The following AK5 variants were observed in gnomAD, a reference collection of about 807,000 sequenced individuals.
The protein encoded by AK5 is adenylate kinase isoenzyme 5.
A neutral mutation model predicts 69.5 loss-of-function variants in AK5; 27 were observed. That is an observed-to-expected ratio of 0.39 (90% CI 0.29 to 0.54). AK5 has a LOEUF of 0.54. Ranked by LOEUF, AK5 falls within the 20% of genes least tolerant of loss-of-function variation. AK5 has a pLI of 0.71. For missense variants in AK5, 531 were observed against 700.4 expected, an observed-to-expected ratio of 0.76 and a Z score of 2.73; for synonymous variants, 260 against 244.4, an observed-to-expected ratio of 1.06 and a Z score of -0.60.
intron 6 of AK5, among the ~76,000 whole-genome samples, chr1:77,406,204 G>A (rs1222555186): frequency 7.9e-6 from 1 of 127,244 alleles, no homozygotes; most frequent in Admixed American, 8.5e-5. Context: ...CCTTGTATCT[G>A]CCCTAAACTA....
chr1:77,398,122 A>G (rs1648953084), intron 6 of AK5, among the ~76,000 whole-genome samples: 1 of 150,604 alleles, frequency 6.6e-6, no homozygotes, highest in South Asian at 2.2e-4. Flanking sequence ...TCAAAATTGC[A>G]GGAGATAAAT....
At chr1:77,539,676 G>A (rs1356597835) in intron 13 of AK5, among the ~76,000 whole-genome samples, 1 of 152,204 alleles carries the variant, frequency 6.6e-6, no homozygotes, top group African/African-American at 2.4e-5. Flanking sequence ...CCGCTGGAGA[G>A]GGAGAAAGCC....
At chr1:77,360,839 T>C (rs1646850195) in intron 6 of AK5, among the ~76,000 whole-genome samples, 1 of 152,200 alleles carries the variant, frequency 6.6e-6, no homozygotes, top group Admixed American at 6.5e-5. Flanking sequence ...GTGTTATTCT[T>C]ATGGGCCAGG....
intron 2 of AK5, among the ~76,000 whole-genome samples, chr1:77,291,381 G>C (rs1458147294): frequency 1.3e-5 from 2 of 151,930 alleles, no homozygotes; most frequent in Non-Finnish European, 2.9e-5. Flanking sequence ...TACTTTAACA[G>C]CCTAGCTGCT....
chr1:77,282,747 G>C (rs1009739507), intron 1 of AK5: 50 of 1,024,334 alleles, frequency 4.9e-5, no homozygotes, highest in Non-Finnish European at 5.1e-5. Context: ...CCAGCAGCGA[G>C]TAAAGACTCG....
rs368412696 is a variant in AK5, at chr1:77,379,435, T to C, written c.892-31546T>C. On this transcript the variant is annotated intron_variant, in intron 6 of 13. Transcript: ENST00000354567. ...CTTTGGACTTAGGAGTCCCATAGAT[T>C]AGCGTCAGAGATTTGGCCTAGGACT... is the stretch of plus-strand genomic sequence containing the variant. Among the ~76,000 whole-genome samples the C allele has an allele frequency of 1.4e-4, 21 of 152,314 alleles. No individual in the cohort carries two copies. The East Asian group carries it at 3.7e-3, about 27-fold the overall frequency.
intron 6 of AK5, among the ~76,000 whole-genome samples, chr1:77,406,298 C>T (rs1047386554): frequency 2.2e-5 from 3 of 139,238 alleles, no homozygotes; most frequent in African/African-American, 8.5e-5. Context: ...GTGATTGCTT[C>T]AGAGCCTGGA....
intron 13 of AK5, among the ~76,000 whole-genome samples, chr1:77,557,643 TC>T (rs903076668): frequency 6.6e-6 from 1 of 152,008 alleles, no homozygotes; most frequent in Non-Finnish European, 1.5e-5. Flanking sequence ...TTTGCTTTCT[TC>T]TCCACATCTC....
intron 1 of AK5, among the ~76,000 whole-genome samples, chr1:77,286,218 T>TAA (rs1557462195): frequency 6.6e-6 from 1 of 151,414 alleles, no homozygotes; most frequent in African/African-American, 2.4e-5. Flanking sequence ...CTATGAGGTA[T>TAA]TTATTATTAC....
chr1:77,485,346 GT>G (rs1457844261), intron 9 of AK5, among the ~76,000 whole-genome samples: 1 of 152,014 alleles, frequency 6.6e-6, no homozygotes, highest in Non-Finnish European at 1.5e-5. Flanking sequence ...TCTTTCTCTG[GT>G]AGAGTTGGGG....
intron 13 of AK5, among the ~76,000 whole-genome samples, chr1:77,558,378 G>A (rs529301307): frequency 3.0e-4 from 45 of 151,410 alleles, no homozygotes; most frequent in African/African-American, 1.0e-3. Context: ...TCAGTGCTTT[G>A]GATTTTGGCT....
At chr1:77,295,708 A>G (rs959341853) in intron 3 of AK5, among the ~76,000 whole-genome samples, 3 of 152,172 alleles carry the variant, frequency 2.0e-5, no homozygotes, top group Non-Finnish European at 4.4e-5. Flanking sequence ...GTAATAAAGT[A>G]TTGGTCATTA....
At chr1:77,385,182 CAG>C (rs547847898) in intron 6 of AK5, among the ~76,000 whole-genome samples, 83 of 152,124 alleles carry the variant, frequency 5.5e-4, no homozygotes, top group African/African-American at 1.7e-3. Context: ...GTTTTGGAGA[CAG>C]AGTCTCGCTC....
chr1:77,352,506 T>C (rs941089266), intron 6 of AK5, among the ~76,000 whole-genome samples: 3 of 152,192 alleles, frequency 2.0e-5, no homozygotes, highest in Non-Finnish European at 2.9e-5. Context: ...CCAGAACTTA[T>C]GTCCAAGTAG....
chr1:77,325,046 C>T (rs892840409), intron 5 of AK5, among the ~76,000 whole-genome samples: 17 of 150,114 alleles, frequency 1.1e-4, no homozygotes, highest in Non-Finnish European at 2.4e-4. Context: ...AATCTCGGCT[C>T]ACTACACTGC....
intron 8 of AK5, among the ~76,000 whole-genome samples, chr1:77,429,273 GACTTTTT>G (rs1436367663): frequency 6.6e-6 from 1 of 152,128 alleles, no homozygotes; most frequent in African/African-American, 2.4e-5. Context: ...GTTGTTTCCT[GACTTTTT>G]AATGATCGCC....
At chr1:77,385,783 A>T (rs1647982551) in intron 6 of AK5, among the ~76,000 whole-genome samples, 1 of 152,216 alleles carries the variant, frequency 6.6e-6, no homozygotes, top group Admixed American at 6.5e-5. Context: ...ACAGGATTCC[A>T]TGAGAGAATG....
chr1:77,282,199 G>C lies in AK5; in HGVS notation c.-115G>C. On this transcript the variant is annotated 5_prime_UTR_variant, in exon 1 of 14. Transcript: ENST00000354567. ...GGCTGAGCTGAGTGCGCGTGAGAAA[G>C]AGGGCTGCACCGCTGCTCGGCGCGG... The C allele has an allele frequency of 1.1e-6, 1 of 934,636 alleles. No individual in the cohort carries two copies. The highest frequency in any genetic ancestry group is 3.2e-5 in the Admixed American group (1 of 31,504). 57.9% of individuals were successfully genotyped at this position (934,636 alleles called of 1,614,324 possible).
intron 5 of AK5, among the ~76,000 whole-genome samples, chr1:77,318,318 C>T (rs1660349931): frequency 6.6e-6 from 1 of 152,064 alleles, no homozygotes; most frequent in African/African-American, 2.4e-5. Context: ...AGAACTTACT[C>T]ATTATACAGG....
Sources: allele counts gnomAD v4.1 joint callset (sites outside exome capture counted in the v4.1 genomes callset), GRCh38; gene constraint gnomAD v4.1.1; transcripts MANE v1.5; gene names NCBI Gene and HGNC (gene_info 2026-07-23, HGNC 2026-07-21).